Variants in AAAS observed in about 807,000 individuals in gnomAD.
AAAS encodes the protein aladin.
Under a neutral mutation model 75.6 loss-of-function variants are expected in AAAS, and 60 were observed. The ratio of observed to expected loss-of-function variants is 0.79; its 90% CI spans 0.64 to 0.98. The LOEUF (loss-of-function observed/expected upper bound fraction) is 0.98. Ranked by LOEUF, AAAS falls within the 50% of genes least tolerant of loss-of-function variation. The pLI is 0.00. For missense variants in AAAS, 658 were observed against 686.9 expected (o/e 0.96, Z 0.47); for synonymous variants, 271 against 265.0 (o/e 1.02, Z -0.22).
rs199573614 is a variant in AAAS at position 53,308,167 on chromosome 12, C to G, written c.1250-34G>C. ...AATGGATCCAGGGATAGGGGAGGAA[C>G]TCTGAAGGCAGAGTCCCAGGACATG... On this transcript the variant is annotated intron_variant, in intron 13 of 15. Coordinates refer to ENST00000209873, the MANE Select transcript of AAAS (RefSeq NM_015665.6). 1.6e-4 allele frequency: 254 copies of G among 1,613,146 alleles called. No homozygotes were observed. The African/African-American group carries it at 3.0e-3, about 19-fold the overall frequency.
intron 2 of AAAS, 133 bp downstream of exon 2, chr12:53,320,432 A>C (rs1478585088): frequency 1.6e-6 from 2 of 1,283,128 alleles, no homozygotes; most frequent in Non-Finnish European, 2.2e-6. Context: ...ATTTCATATG[A>C]TTTAGGATAT....
In AAAS at chr12:53,307,840, C is replaced by G; in HGVS notation, c.1416+5G>C. ...CTGGAAGCCCCAGCAGCCTGGCGCA[C>G]TCACCACACTGAGCAGGGCCCCTTT... On this transcript the variant is annotated splice_donor_5th_base_variant and intron_variant, in intron 15 of 15. Transcript: ENST00000209873. The G allele has an allele frequency of 6.2e-7, 1 of 1,614,232 alleles. No individual in the cohort carries two copies. The highest frequency in any genetic ancestry group is 1.3e-5 in the African/African-American group (1 of 75,068).
Position 53,308,538 on chromosome 12 carries a change from A to G in AAAS, c.1088-10T>C, listed in dbSNP as rs1249191603. The G allele has an allele frequency of 6.2e-7, 1 of 1,614,076 alleles. No homozygotes were observed. Among genetic ancestry groups the G allele is most frequent in the Non-Finnish European group, 8.5e-7 (1 of 1,179,994 alleles). On this transcript the variant is annotated splice_polypyrimidine_tract_variant and intron_variant, in intron 11 of 15. Transcript: ENST00000209873. ...CACCCCTTTCCCTCACCTGTGGACA[A>G]ATAAGAGCAGAGAGGTTCTTGCAAG...
chr12:53,314,743 A>C lies in AAAS; in HGVS notation c.545+8T>G. On this transcript the variant is annotated splice_region_variant and intron_variant, in intron 6 of 15. Coordinates refer to ENST00000209873, the MANE Select transcript of AAAS (RefSeq NM_015665.6). ...AAGTCAGAGCCCACCTGGTGTCCCC[A>C]CACACACCTGCTGGCATTATACACA... 1 of 1,612,186 alleles carries C rather than the reference A, an allele frequency of 6.2e-7. No individual in the cohort carries two copies. Among genetic ancestry groups the C allele is most frequent in the Non-Finnish European group, 8.5e-7 (1 of 1,179,166 alleles).
At position 53,308,073 on chromosome 12, in the gene AAAS, G is replaced by C. The variant is rs139443241; in HGVS notation, c.1310C>G (p.Pro437Arg). Residue 437 changes from proline to arginine, a missense_variant, in exon 14 of 16, where the codon CCT becomes CGT. Physicochemically the swap from Pro to Arg is moderately radical, Grantham distance 103 (BLOSUM62 -2). Transcript: ENST00000209873. ...TTACCAGGGAAGGAGCTCAAACACA[G>C]GGCTGTTTCGAGTGCGAAAAAGGAG... ...VILLFRTRNS[P>R]VFELLPCGII... The C allele has an allele frequency of 1.2e-5, 20 of 1,614,092 alleles. No individual in the cohort carries two copies. Among genetic ancestry groups the C allele is most frequent in the Non-Finnish European group, 1.6e-5 (19 of 1,180,048 alleles).
At chr12:53,319,858 C>T (rs1013366337) in intron 2 of AAAS, among the ~76,000 whole-genome samples, 12 of 143,978 alleles carry the variant, frequency 8.3e-5, no homozygotes, top group African/African-American at 2.3e-4. Flanking sequence ...CGGTGGCTCA[C>T]GCCTGTAATC....
intron 7 of AAAS, among the ~76,000 whole-genome samples, chr12:53,313,364 C>T (rs997807272): frequency 4.6e-5 from 7 of 151,940 alleles, no homozygotes; most frequent in African/African-American, 1.7e-4. Flanking sequence ...TGGGGTTTCG[C>T]CATGTTGGCC....
At chr12:53,315,216 G>A in intron 4 of AAAS, 76 bp from the exon 5 acceptor site, 1 of 1,598,616 alleles carries the variant, frequency 6.3e-7, no homozygotes, top group South Asian at 1.1e-5. Flanking sequence ...CAGGGGAGCT[G>A]GACCACTCCT....
At chr12:53,312,047 G>C (rs1181194062) in intron 7 of AAAS, among the ~76,000 whole-genome samples, 1 of 152,146 alleles carries the variant, frequency 6.6e-6, no homozygotes, top group Non-Finnish European at 1.5e-5. Flanking sequence ...GGGAGGACAG[G>C]CCGGGCATGG....
rs778544191 is a variant in AAAS at position 53,308,262 on chromosome 12, C to T, written c.1249+20G>A. The T allele has an allele frequency of 2.5e-6, 4 of 1,614,030 alleles. No homozygotes were observed. The Admixed American group carries it at 6.7e-5, about 27-fold the overall frequency. On this transcript the variant is annotated intron_variant, in intron 13 of 15. Transcript: ENST00000209873. ...CTGGGAAGATGGCTGTGGGCTGAGC[C>T]CTTCATCCTTGCCTCTCACCTTTCA...
chr12:53,307,686 T>C lies in AAAS; in HGVS notation c.1444A>G (p.Ile482Val). The C allele has an allele frequency of 6.2e-7, 1 of 1,614,068 alleles. No homozygotes were observed. Among genetic ancestry groups the C allele is most frequent in the East Asian group, 2.2e-5 (1 of 44,866 alleles). ...VGWSTGRIAH[I>V]PLYFVNAQFP... ...TGGGCATTGACAAAGTACAGCGGGATGTGGGCAATTCGGCCTGTGGACCAG... is the reference window on the plus strand; with the variant it reads ...TGGGCATTGACAAAGTACAGCGGGACGTGGGCAATTCGGCCTGTGGACCAG... Residue 482 changes from isoleucine to valine, a missense_variant, in exon 16 of 16, where the codon ATC (isoleucine) becomes GTC (valine). By Grantham distance (29) the Ile-to-Val change is conservative. Transcript: ENST00000209873.
rs769513649 is a variant in AAAS, at chr12:53,309,291, T to A, written c.811-10A>T. The A allele has an allele frequency of 1.9e-6, 3 of 1,613,002 alleles. No individual in the cohort carries two copies. Among genetic ancestry groups the A allele is most frequent in the African/African-American group, 1.3e-5 (1 of 74,818 alleles). On this transcript the variant is annotated splice_polypyrimidine_tract_variant and intron_variant, in intron 8 of 15. Transcript: ENST00000209873. ...TTGAGACATCCCATACCTAGGAGAG[T>A]GGGGCAGGAGATAAGGGAAAACTCA... is the stretch of plus-strand genomic sequence containing the variant.
intron 7 of AAAS, among the ~76,000 whole-genome samples, chr12:53,310,899 T>C (rs754425890): frequency 2.0e-5 from 3 of 152,226 alleles, no homozygotes; most frequent in Non-Finnish European, 4.4e-5. Flanking sequence ...TATTGAGTCA[T>C]GCCTCTACAA....
At chr12:53,315,612 G>C in intron 3 of AAAS, 115 bp downstream of exon 3, 1 of 1,371,136 alleles carries the variant, frequency 7.3e-7, no homozygotes, top group Non-Finnish European at 1.0e-6. Flanking sequence ...GTAGAGGAGA[G>C]GACAGGAAAA....
intron 7 of AAAS, among the ~76,000 whole-genome samples, chr12:53,313,687 C>T (rs1944424493): frequency 1.3e-5 from 2 of 151,806 alleles, no homozygotes; most frequent in African/African-American, 4.8e-5. Context: ...TGGCTCACTG[C>T]AACCTCCGCC....
In AAAS at chr12:53,320,564, C is replaced by G; in HGVS notation, c.251+1G>C. The G allele has an allele frequency of 6.2e-7, 1 of 1,613,806 alleles. No homozygotes were observed. Among genetic ancestry groups the G allele is most frequent in the Non-Finnish European group, 8.5e-7 (1 of 1,179,954 alleles). Reference sequence around the variant, plus strand: ...CCAGGAAACCCTTTGCCATGCCTCACCAAATGTTGATGCATCTCTTCCACA... The same window carrying G: ...CCAGGAAACCCTTTGCCATGCCTCAGCAAATGTTGATGCATCTCTTCCACA... On this transcript the variant is annotated splice_donor_variant, in intron 2 of 15. Coordinates refer to ENST00000209873, the MANE Select transcript of AAAS (RefSeq NM_015665.6). LOFTEE classifies it high-confidence loss of function.
intron 3 of AAAS, 96 bp from the exon 4 acceptor site, chr12:53,315,522 G>A (rs1944449031): frequency 7.9e-6 from 10 of 1,265,468 alleles, no homozygotes; most frequent in Non-Finnish European, 9.0e-6. Context: ...GCACTCCCCA[G>A]GTCCTTCTGC....
At chr12:53,318,234 G>GTGTGTGTGTT in intron 2 of AAAS, among the ~76,000 whole-genome samples, 1 of 130,874 alleles carries the variant, frequency 7.6e-6, no homozygotes, top group Non-Finnish European at 1.6e-5. Flanking sequence ...GTGTGTGTGT[G>GTGTGTGTGTT]TGTGTGTGTG....
chr12:53,320,698 G>T lies in AAAS; in HGVS notation c.124-6C>A, dbSNP rs764899030. On this transcript the variant is annotated splice_polypyrimidine_tract_variant and splice_region_variant and intron_variant, in intron 1 of 15. Coordinates refer to ENST00000209873, the MANE Select transcript of AAAS (RefSeq NM_015665.6). The stretch of plus-strand genomic sequence containing the variant: ...AGGACAGGAAGATTGATCCACTATA[G>T]CACAAAAGTGAGGAGTGTGACGGTG... The T allele has an allele frequency of 6.2e-7, 1 of 1,613,970 alleles. No individual in the cohort carries two copies. Among genetic ancestry groups the T allele is most frequent in the Admixed American group, 1.7e-5 (1 of 60,020 alleles).
Sources: gnomAD v4.1 joint callset for allele counts (sites outside exome capture counted in the v4.1 genomes callset) on GRCh38, gnomAD v4.1.1 for gene constraint, MANE v1.5 for transcripts, NCBI Gene and HGNC (gene_info 2026-07-23, HGNC 2026-07-21) for gene names.